The following PIGN variants were observed in gnomAD, a reference collection of about 807,000 sequenced individuals.
PIGN encodes the protein GPI ethanolamine phosphate transferase 1.
A neutral mutation model predicts 125.4 loss-of-function variants in PIGN; 117 were observed. The ratio of observed to expected loss-of-function variants is 0.93; its 90% CI spans 0.80 to 1.09. PIGN has a LOEUF of 1.09. PIGN is among the 50% of genes least tolerant of loss of function. The pLI, the probability that PIGN is intolerant of heterozygous loss-of-function variation, is 0.00. For synonymous variants in PIGN, 392 were observed against 377.8 expected (o/e 1.04, Z -0.44); for missense variants, 1,075 against 1,094.9 (o/e 0.98, Z 0.26).
At chr18:62,084,483 C>A (rs771313417) in intron 27 of PIGN, 48 bp downstream of exon 27, 1 of 1,202,136 alleles carries the variant, frequency 8.3e-7, no homozygotes, top group South Asian at 1.4e-5. Context: ...ACTTTATAAT[C>A]TTAATCAATC....
intron 23 of PIGN, among the ~76,000 whole-genome samples, chr18:62,023,820 A>G (rs2030082607): frequency 2.0e-5 from 3 of 152,222 alleles, no homozygotes; most frequent in Non-Finnish European, 4.4e-5. Context: ...ATAGACTGAA[A>G]GTTGTATGAT....
chr18:62,148,718 T>C (rs942238593), intron 7 of PIGN, among the ~76,000 whole-genome samples: 1 of 152,140 alleles, frequency 6.6e-6, no homozygotes, highest in Admixed American at 6.5e-5. Context: ...TTTATTTTTT[T>C]AAATATTTCA....
chr18:62,045,951 T>G lies in PIGN; in HGVS notation c.2701A>C (p.Met901Leu). ...TTGAGGAACACCAAAAAGATGGTCA[T>G]GGACATGACAATCACATAGTGGCTG... is the stretch of plus-strand genomic sequence containing the variant. ...SISHYVIVMS[M>L]TIFLVFLNGL... Residue 901 changes from methionine to leucine, a missense_variant, in exon 31 of 31, where the codon ATG becomes CTG. This residue lies in a region of PIGN where 915 missense variants were observed against 908.7 expected (regional missense o/e 1.01). Coordinates refer to ENST00000640252, the MANE Select transcript of PIGN (RefSeq NM_176787.5). 2 of 1,613,408 alleles carry G rather than the reference T, an allele frequency of 1.2e-6. No homozygotes were observed. Among genetic ancestry groups the G allele is most frequent in the Non-Finnish European group, 8.5e-7 (1 of 1,179,616 alleles).
In PIGN at chr18:62,161,269, C is replaced by G; in HGVS notation, c.85G>C (p.Val29Leu). The G allele has an allele frequency of 6.2e-7, 1 of 1,613,534 alleles. No individual in the cohort carries two copies. The highest frequency in any genetic ancestry group is 8.5e-7 in the Non-Finnish European group (1 of 1,179,744). ...GTAAACTGAGGAGTCATTCCATGAA[C>G]CAAAGGAGATGTAAAATAAATGTCA... ...IFDIYFTSPLVHGMTPQFTPL... is the reference protein window; with the variant it reads ...IFDIYFTSPLLHGMTPQFTPL... Residue 29 changes from valine (V) to leucine (L), a missense_variant, in exon 4 of 31, where the codon GTT (valine) becomes CTT (leucine). This residue lies in a region of PIGN where 152 missense variants were observed against 162.9 expected (regional missense o/e 0.93). Coordinates refer to ENST00000640252, the MANE Select transcript of PIGN (RefSeq NM_176787.5).
chr18:62,124,080 T>TA, intron 14 of PIGN, among the ~76,000 whole-genome samples: 1 of 152,260 alleles, frequency 6.6e-6, no homozygotes, highest in Non-Finnish European at 1.5e-5. Context: ...CTTGTTGGCT[T>TA]ACCTCCCTGA....
chr18:62,178,324 T>C (rs901026923), intron 1 of PIGN, among the ~76,000 whole-genome samples: 3 of 151,906 alleles, frequency 2.0e-5, no homozygotes, highest in African/African-American at 7.3e-5. Context: ...CCCAAAACAG[T>C]TGATCCTGTC....
At chr18:62,053,403 A>G (rs1317539891) in intron 30 of PIGN, among the ~76,000 whole-genome samples, 1 of 152,240 alleles carries the variant, frequency 6.6e-6, no homozygotes, top group African/African-American at 2.4e-5. Context: ...CTGAGAACAA[A>G]CAGAAAACAA....
At chr18:62,057,250 A>G (rs1233811397) in intron 30 of PIGN, among the ~76,000 whole-genome samples, 2 of 152,112 alleles carry the variant, frequency 1.3e-5, no homozygotes, top group African/African-American at 2.4e-5. Flanking sequence ...TTTAAATTTT[A>G]TATATGCAAA....
intron 20 of PIGN, among the ~76,000 whole-genome samples, chr18:62,103,166 C>A (rs2034510855): frequency 6.6e-6 from 1 of 152,072 alleles, no homozygotes; most frequent in South Asian, 2.1e-4. Flanking sequence ...AGTATCTCTA[C>A]CTTGCTTCTA....
At chr18:62,147,931 T>C (rs1416389461) in intron 8 of PIGN, among the ~76,000 whole-genome samples, 1 of 152,110 alleles carries the variant, frequency 6.6e-6, no homozygotes, top group African/African-American at 2.4e-5. Flanking sequence ...ATTTCTAAAA[T>C]ATATAGATAT....
intron 20 of PIGN, chr18:62,103,858 T>C (rs560094322): frequency 1.3e-5 from 2 of 152,128 alleles, no homozygotes; most frequent in Non-Finnish European, 2.9e-5. Flanking sequence ...TAGGAAAAAA[T>C]AGTCACATAT....
intron 28 of PIGN, among the ~76,000 whole-genome samples, chr18:62,076,902 A>G (rs1387652577): frequency 6.6e-6 from 1 of 152,118 alleles, no homozygotes; most frequent in African/African-American, 2.4e-5. Context: ...TGAATTCCCA[A>G]AGTATCAATC....
chr18:62,070,479 T>C, intron 30 of PIGN: 1 of 398,458 alleles, frequency 2.5e-6, no homozygotes, highest in Non-Finnish European at 4.4e-6. Flanking sequence ...TGTACATAAA[T>C]AACCAGGCAG....
intron 14 of PIGN, among the ~76,000 whole-genome samples, chr18:62,117,418 C>T (rs1394112090): frequency 1.1e-4 from 17 of 151,794 alleles, no homozygotes; most frequent in Non-Finnish European, 2.2e-4. Context: ...CTAAAATGAA[C>T]AAGGGAGATC....
intron 17 of PIGN, 128 bp downstream of exon 17, chr18:62,109,706 C>G: frequency 1.5e-6 from 1 of 669,030 alleles, no homozygotes. Flanking sequence ...GTGAGAGGGA[C>G]TGGAGGTTTG....
chr18:62,085,163 C>T, intron 26 of PIGN, 46 bp downstream of exon 26: 2 of 1,036,346 alleles, frequency 1.9e-6, no homozygotes, highest in Non-Finnish European at 2.9e-6. Flanking sequence ...TCCCAGGTTG[C>T]ATTATTTTTT....
chr18:62,104,321 T>A (rs191405146), intron 20 of PIGN, among the ~76,000 whole-genome samples: 288 of 152,274 alleles, frequency 1.9e-3, no homozygotes, highest in East Asian at 4.1e-3. Context: ...TAGCATATGA[T>A]AAATTCTGCT....
At chr18:62,076,372 C>T (rs1347323234) in intron 28 of PIGN, among the ~76,000 whole-genome samples, 1 of 152,050 alleles carries the variant, frequency 6.6e-6, no homozygotes, top group African/African-American at 2.4e-5. Context: ...GAGTTTTGTG[C>T]ATTCTTTTTA....
intron 30 of PIGN, among the ~76,000 whole-genome samples, chr18:62,066,407 T>A (rs1448145904): frequency 6.6e-6 from 1 of 152,230 alleles, no homozygotes; most frequent in Non-Finnish European, 1.5e-5. Flanking sequence ...AACGATAGTA[T>A]CTACTTTACA....
Sources: gnomAD v4.1 joint callset for allele counts (sites outside exome capture counted in the v4.1 genomes callset) on GRCh38, gnomAD v4.1.1 for gene constraint, gnomAD v4.1.1 regional missense constraint, MANE v1.5 for transcripts, NCBI Gene and HGNC (gene_info 2026-07-23, HGNC 2026-07-21) for gene names.